DLG5: variants seen among roughly 807,000 people sequenced by gnomAD.
The protein encoded by DLG5 is discs large MAGUK scaffold protein 5, also known as disks large homolog 5.
A neutral mutation model predicts 189.8 loss-of-function variants in DLG5; 48 were observed. The observed-to-expected ratio is 0.25, with a 90% CI of 0.20 to 0.32. The LOEUF (loss-of-function observed/expected upper bound fraction) is 0.32, where lower values mean the gene tolerates loss of function less well. Among genes scored for constraint, DLG5 ranks in the 10% least tolerant of loss-of-function variants. The pLI, the probability that DLG5 is intolerant of heterozygous loss-of-function variation, is 1.00. For synonymous variants in DLG5, 1,016 were observed against 1,054.1 expected (o/e 0.96, Z 0.70); for missense variants, 2,160 against 2,544.7 (o/e 0.85, Z 3.25).
chr10:77,927,721 C>T (rs1026882723), upstream of DLG5: 2 of 152,224 alleles, frequency 1.3e-5, no homozygotes, highest in Admixed American at 1.3e-4. Context: ...ACCTTGCTTC[C>T]TTTGATGACT....
At chr10:77,820,350 G>GTA in intron 15 of DLG5, 1 of 143,682 alleles carries the variant, frequency 7.0e-6, no homozygotes. Flanking sequence ...CATCTTAGGG[G>GTA]AAAAAAAAAA....
At chr10:77,805,300 T>C (rs1841412549) in intron 27 of DLG5, among the ~76,000 whole-genome samples, 1 of 152,176 alleles carries the variant, frequency 6.6e-6, no homozygotes, top group Non-Finnish European at 1.5e-5. Flanking sequence ...CTCTTGCACA[T>C]GCAAGTGGAC....
intron 1 of DLG5, among the ~76,000 whole-genome samples, chr10:77,897,631 C>T (rs1845801276): frequency 6.8e-6 from 1 of 146,654 alleles, no homozygotes; most frequent in African/African-American, 2.5e-5. Context: ...CAAGACCAGC[C>T]TGGGCAACAT....
intron 5 of DLG5, among the ~76,000 whole-genome samples, chr10:77,846,952 C>T (rs1052184084): frequency 6.6e-6 from 1 of 152,070 alleles, no homozygotes; most frequent in Non-Finnish European, 1.5e-5. Context: ...GGTGGTAGCC[C>T]GCAGAGCCCA....
At chr10:77,888,998 G>C (rs1348772548) in intron 1 of DLG5, among the ~76,000 whole-genome samples, 8 of 151,010 alleles carry the variant, frequency 5.3e-5, no homozygotes, top group Non-Finnish European at 1.2e-4. Context: ...GAAGCCCACA[G>C]GTAACCTCCC....
chr10:77,918,029 AC>A (rs58096055), intron 1 of DLG5, among the ~76,000 whole-genome samples: 3,619 of 151,080 alleles, frequency 0.024, 157 homozygotes, highest in East Asian at 0.23. Flanking sequence ...AAAAAAAAAA[AC>A]AAAAAACAAA....
At chr10:77,810,744 TG>T (rs1484885707) in intron 23 of DLG5, among the ~76,000 whole-genome samples, 1 of 151,956 alleles carries the variant, frequency 6.6e-6, no homozygotes, top group Non-Finnish European at 1.5e-5. Flanking sequence ...GCCACCTCAT[TG>T]GGGGAAGCAC....
chr10:77,871,307 A>G (rs1445225342), intron 1 of DLG5, among the ~76,000 whole-genome samples: 1 of 151,998 alleles, frequency 6.6e-6, no homozygotes, highest in Non-Finnish European at 1.5e-5. Flanking sequence ...AGGGGGTGAG[A>G]CAGTGAGGGA....
In DLG5 at chr10:77,792,173, A is replaced by G. The variant is rs1298289263; in HGVS notation, c.*267T>C. The G allele has an allele frequency of 4.0e-6, 2 of 496,900 alleles. No individual in the cohort carries two copies. The highest frequency in any genetic ancestry group is 7.2e-6 in the Non-Finnish European group (2 of 278,590). 30.8% of individuals were successfully genotyped at this position (496,900 alleles called of 1,614,324 possible). ...GCAGCATCTCTGATCAGCTGGCTAA[A>G]GAAAGGTGGGTGCTGAACCCGTCTT... On this transcript the variant is annotated 3_prime_UTR_variant, in exon 32 of 32. Coordinates refer to ENST00000372391, the MANE Select transcript of DLG5 (RefSeq NM_004747.4).
chr10:77,838,405 C>T lies in DLG5; in HGVS notation c.1438-2483G>A, dbSNP rs866780182. ...TTCCCCGGACAAGGTCAGCTACTGGCCTGAGGCAGGAGGGCGGCCTTAGGG... is the reference window on the plus strand; with the variant it reads ...TTCCCCGGACAAGGTCAGCTACTGGTCTGAGGCAGGAGGGCGGCCTTAGGG... On this transcript the variant is annotated intron_variant, in intron 7 of 31. Transcript: ENST00000372391. 1.4e-4 allele frequency among the ~76,000 whole-genome samples: 21 copies of T among 152,134 alleles called. 1 individual carries two copies. Among genetic ancestry groups the T allele is most frequent in the Non-Finnish European group, 1.3e-4 (9 of 68,018 alleles).
At chr10:77,934,121 A>G in the DLG5 span, among the ~76,000 whole-genome samples, 4,669 of 152,290 alleles carry the variant, frequency 0.031, 116 homozygotes, top group Non-Finnish European at 0.043. Flanking sequence ...CTGTAATTCC[A>G]GCATTTTGGG....
chr10:77,819,360 G>A lies in DLG5; in HGVS notation c.3632C>T (p.Pro1211Leu). 2 of 1,614,126 alleles carry A rather than the reference G, an allele frequency of 1.2e-6. No homozygotes were observed. Among genetic ancestry groups the A allele is most frequent in the South Asian group, 2.2e-5 (2 of 91,084 alleles). The change falls in exon 17 of 32, where the codon CCT becomes CTT. Residue 1211 changes from proline (P) to leucine (L), a missense_variant. Pro to Leu is a moderately conservative substitution (Grantham distance 98). Coordinates refer to ENST00000372391, the MANE Select transcript of DLG5 (RefSeq NM_004747.4). Reference protein sequence around the residue: ...SHRVGPCSSPPAARDAGPQGL... With the variant: ...SHRVGPCSSPLAARDAGPQGL... ...CTGGGGGCCAGCATCTCGGGCCGCA[G>A]GTGGAGAGCTGCAGGGGCCGACCCT...
At chr10:77,861,362 T>G (rs748639358) in intron 2 of DLG5, among the ~76,000 whole-genome samples, 1 of 152,194 alleles carries the variant, frequency 6.6e-6, no homozygotes, top group African/African-American at 2.4e-5. Context: ...CCAGGCCCAG[T>G]AACCTGCCTT....
At chr10:77,884,991 T>C (rs1455817395) in intron 1 of DLG5, among the ~76,000 whole-genome samples, 1 of 152,204 alleles carries the variant, frequency 6.6e-6, no homozygotes, top group Admixed American at 6.5e-5. Flanking sequence ...CACTGAGGTA[T>C]CCAACGCTCA....
chr10:77,934,719 C>T, the DLG5 span, among the ~76,000 whole-genome samples: 1 of 152,162 alleles, frequency 6.6e-6, no homozygotes, highest in Non-Finnish European at 1.5e-5. Context: ...TCCCAGAGCC[C>T]TGGAGAAGAT....
intron 2 of DLG5, among the ~76,000 whole-genome samples, chr10:77,858,410 G>T (rs1844336811): frequency 6.6e-6 from 1 of 152,104 alleles, no homozygotes; most frequent in African/African-American, 2.4e-5. Flanking sequence ...CAAGGCAGAC[G>T]GATCCCTTGA....
At chr10:77,817,175 G>A (rs1866435) in intron 18 of DLG5, 79 bp from the exon 19 acceptor site, 42,143 of 1,307,428 alleles carry the variant, frequency 0.032, 1,325 homozygotes, top group East Asian at 0.17. Context: ...CAGGCTACCA[G>A]TCAGGATAAT....
Position 77,821,646 on chromosome 10 carries a change from G to A in DLG5, c.2838C>T (p.Thr946=). 6.2e-7 allele frequency: 1 copy of A among 1,611,452 alleles called. No individual in the cohort carries two copies. Among genetic ancestry groups the A allele is most frequent in the Non-Finnish European group, 8.5e-7 (1 of 1,179,518 alleles). ...ADSEGSNSGG[T]WPKAMLSSTA... is the part of the protein sequence containing the mutation. The stretch of plus-strand genomic sequence containing the variant: ...TGGAGCTGAGCATGGCCTTGGGCCA[G>A]GTCCCGCCGCTGTTGGAGCCTTCAG... The change falls in exon 15 of 32, where the codon ACC becomes ACT. Residue 946 remains threonine (T), a synonymous_variant. Transcript: ENST00000372391.
At position 77,926,449 on chromosome 10, in the gene DLG5, T is replaced by A. The variant is rs1846697477; in HGVS notation, c.72A>T (p.Glu24Asp). The change falls in exon 1 of 32, where the codon GAA becomes GAT. Residue 24 changes from glutamate (E) to aspartate (D), a missense_variant. Physicochemically the swap from Glu to Asp is conservative, Grantham distance 45. Coordinates refer to ENST00000372391, the MANE Select transcript of DLG5 (RefSeq NM_004747.4). This position sits in a 1 kb window ranked among gnomAD's most constrained non-coding sequence, Gnocchi z 5.2. ...QSLAQAMTEV[E>D]AVLGLLEAAG... Reference sequence around the variant, plus strand: ...CGGCCTCGAGCAGCCCGAGCACGGCTTCCACCTCCGTCATGGCCTGGGCCA... The same window carrying A: ...CGGCCTCGAGCAGCCCGAGCACGGCATCCACCTCCGTCATGGCCTGGGCCA... 2 of 1,552,914 alleles carry A rather than the reference T, an allele frequency of 1.3e-6. No homozygotes were observed. Among genetic ancestry groups the A allele is most frequent in the Non-Finnish European group, 1.7e-6 (2 of 1,152,166 alleles).
Sources: gnomAD v4.1 joint callset for allele counts (sites outside exome capture counted in the v4.1 genomes callset) on GRCh38, gnomAD v4.1.1 for gene constraint, Gnocchi (gnomAD v3.1) non-coding constraint, MANE v1.5 for transcripts, NCBI Gene and HGNC (gene_info 2026-07-23, HGNC 2026-07-21) for gene names.